SASH1: variants seen among roughly 807,000 people sequenced by gnomAD.
SASH1 encodes SAM and SH3 domain containing 1.
Under a neutral mutation model 125.2 loss-of-function variants are expected in SASH1, and 44 were observed. The observed-to-expected ratio is 0.35, with a 90% CI of 0.28 to 0.45. SASH1 has a LOEUF of 0.45. Ranked by LOEUF, SASH1 falls within the 20% of genes least tolerant of loss-of-function variation. SASH1 has a pLI of 1.00. For synonymous variants in SASH1, 639 were observed against 649.1 expected, an observed-to-expected ratio of 0.98 and a Z score of 0.24; for missense variants, 1,426 against 1,614.5, an observed-to-expected ratio of 0.88 and a Z score of 2.00.
intron 12 of SASH1, 58 bp downstream of exon 12, chr6:148,527,654 A>G: frequency 6.5e-7 from 1 of 1,531,114 alleles, no homozygotes; most frequent in Non-Finnish European, 8.9e-7. Context: ...AAAGCTGAGA[A>G]TGGCCCTTCT....
At chr6:148,206,418 A>G in the SASH1 span, among the ~76,000 whole-genome samples, 1 of 152,182 alleles carries the variant, frequency 6.6e-6, no homozygotes, top group Non-Finnish European at 1.5e-5. Context: ...TGAAATTTTG[A>G]TAGCTGTATA....
In SASH1 at chr6:148,544,578, C is replaced by A. The variant is rs376415133; in HGVS notation, c.3108C>A (p.Pro1036=). 1.2e-6 allele frequency: 2 copies of A among 1,613,246 alleles called. No homozygotes were observed. The highest frequency in any genetic ancestry group is 1.7e-6 in the Non-Finnish European group (2 of 1,179,960). ...GCCCCACCAGCCCTAGCGACTGTCC[C>A]CCAGCACTGGCTCCCAGGCCTCTCT... ...PASPTSPSDC[P]PALAPRPLSG... Residue 1036 remains proline, a synonymous_variant, in exon 18 of 20, where the codon CCC becomes CCA. Transcript: ENST00000367467. This position sits in a 1 kb window ranked among gnomAD's most constrained non-coding sequence, Gnocchi z 6.4.
chr6:148,413,410 G>A (rs1784699865), intron 2 of SASH1, among the ~76,000 whole-genome samples: 1 of 152,104 alleles, frequency 6.6e-6, no homozygotes, highest in Non-Finnish European at 1.5e-5. Flanking sequence ...AAATTGGAAT[G>A]GATAGGGCTA....
intron 1 of SASH1, among the ~76,000 whole-genome samples, chr6:148,330,558 T>C (rs1780963115): frequency 6.6e-6 from 1 of 152,152 alleles, no homozygotes; most frequent in South Asian, 2.1e-4. Context: ...ATCTCTGGTC[T>C]CTTATTAACA....
upstream of SASH1, among the ~76,000 whole-genome samples, chr6:148,267,447 C>T (rs1278288294): frequency 3.3e-5 from 5 of 151,034 alleles, no homozygotes; most frequent in South Asian, 4.2e-4. Flanking sequence ...GGCGAAATCT[C>T]GGCTCACTGC....
At chr6:148,307,078 TTC>T (rs1467560448) in intron 1 of SASH1, among the ~76,000 whole-genome samples, 1 of 127,610 alleles carries the variant, frequency 7.8e-6, no homozygotes, top group East Asian at 2.1e-4. Flanking sequence ...CTTTCTTTCT[TTC>T]TTTCTTTCTT....
At chr6:148,299,289 A>ATT (rs916375035) in intron 1 of SASH1, among the ~76,000 whole-genome samples, 1 of 150,540 alleles carries the variant, frequency 6.6e-6, no homozygotes, top group Non-Finnish European at 1.5e-5. Flanking sequence ...CATTACAAAG[A>ATT]TTTTTTTTGT....
intron 1 of SASH1, among the ~76,000 whole-genome samples, chr6:148,384,260 C>A (rs1331372541): frequency 1.3e-5 from 2 of 152,076 alleles, no homozygotes; most frequent in African/African-American, 4.8e-5. Context: ...TGTTCCTAAA[C>A]TTGAACTAAT....
intron 1 of SASH1, among the ~76,000 whole-genome samples, chr6:148,289,583 G>A (rs2128508265): frequency 6.6e-6 from 1 of 152,268 alleles, no homozygotes; most frequent in East Asian, 1.9e-4. Flanking sequence ...CTGGCTTTTT[G>A]GCAAAGGTTT....
chr6:148,362,402 T>C (rs1271352290), intron 1 of SASH1, among the ~76,000 whole-genome samples: 4 of 152,068 alleles, frequency 2.6e-5, no homozygotes, highest in African/African-American at 9.7e-5. Context: ...GTCCAGCATT[T>C]CTTACTAGGT....
intron 1 of SASH1, among the ~76,000 whole-genome samples, chr6:148,350,742 C>CG (rs1781699152): frequency 6.6e-6 from 1 of 152,212 alleles, no homozygotes; most frequent in Non-Finnish European, 1.5e-5. Context: ...TGGACAGAGA[C>CG]TGACTCTCAC....
chr6:148,326,445 C>T (rs1384357887), intron 1 of SASH1, among the ~76,000 whole-genome samples: 1 of 130,168 alleles, frequency 7.7e-6, no homozygotes, highest in African/African-American at 2.9e-5. Context: ...CACTCTGTTG[C>T]CCAGGCTAGA....
intron 1 of SASH1, among the ~76,000 whole-genome samples, chr6:148,383,538 A>C (rs951528993): frequency 6.6e-6 from 1 of 152,142 alleles, no homozygotes; most frequent in African/African-American, 2.4e-5. Context: ...AACTTTATAG[A>C]TACATAAAAT....
intron 4 of SASH1, among the ~76,000 whole-genome samples, chr6:148,458,920 T>C (rs1777480306): frequency 6.6e-6 from 1 of 151,284 alleles, no homozygotes; most frequent in Admixed American, 6.6e-5. Context: ...TGAGCCATGA[T>C]TGTGCCACTG....
rs1024002542 is a variant in SASH1, at chr6:148,529,262, A to G, written c.1428+1666A>G. 5.9e-5 allele frequency among the ~76,000 whole-genome samples: 9 copies of G among 152,194 alleles called. No homozygotes were observed. Among genetic ancestry groups the G allele is most frequent in the African/African-American group, 1.9e-4 (8 of 41,444 alleles). On this transcript the variant is annotated intron_variant, in intron 12 of 19. Coordinates refer to ENST00000367467, the MANE Select transcript of SASH1 (RefSeq NM_015278.5). The surrounding 1 kb of genome is among the most constrained non-coding windows in gnomAD (Gnocchi z 4.2). ...ATAGAGGCCAGGGACGCTGCCAAAC[A>G]TCTTAGCATGCACAGGACGGTCTGC... is the stretch of plus-strand genomic sequence containing the variant.
the SASH1 span, among the ~76,000 whole-genome samples, chr6:148,217,846 TAAAA>T: frequency 1.6e-5 from 2 of 123,352 alleles, no homozygotes; most frequent in Non-Finnish European, 1.7e-5. Flanking sequence ...ATCCCATCTC[TAAAA>T]AAAAAAAAAA....
chr6:148,508,880 AAGT>A (rs1166621383), intron 8 of SASH1: 1 of 1,283,240 alleles, frequency 7.8e-7, no homozygotes, highest in Non-Finnish European at 1.0e-6. Context: ...CGAAGCCGGT[AAGT>A]CACTGAATGC....
chr6:148,514,255 T>C (rs1780308000), intron 8 of SASH1, 69 bp from the exon 9 acceptor site: 1 of 1,547,450 alleles, frequency 6.5e-7, no homozygotes, highest in African/African-American at 1.4e-5. Context: ...CAAGGCCGGC[T>C]ACATCCAGCC....
chr6:148,402,600 C>A (rs1444456112), intron 2 of SASH1, among the ~76,000 whole-genome samples: 1 of 148,394 alleles, frequency 6.7e-6, no homozygotes, highest in Non-Finnish European at 1.5e-5. Context: ...TGAGCCACTG[C>A]GACCGGCCAA....
Sources: gnomAD v4.1 joint callset for allele counts (sites outside exome capture counted in the v4.1 genomes callset) on GRCh38, gnomAD v4.1.1 for gene constraint, Gnocchi (gnomAD v3.1) non-coding constraint, MANE v1.5 for transcripts, NCBI Gene and HGNC (gene_info 2026-07-23, HGNC 2026-07-21) for gene names.